PTPRJ: variants seen among roughly 807,000 people sequenced by gnomAD.
PTPRJ encodes the protein receptor-type tyrosine-protein phosphatase eta.
PTPRJ carries 129 observed loss-of-function variants against 141.3 expected under a neutral mutation model. The observed-to-expected ratio is 0.91, with a 90% CI of 0.79 to 1.06. The LOEUF is 1.06. PTPRJ is among the 50% of genes least tolerant of loss of function. The pLI, the probability that PTPRJ is intolerant of heterozygous loss-of-function variation, is 0.00. For missense variants in PTPRJ, 1,601 were observed against 1,679.7 expected (o/e 0.95, Z 0.82); for synonymous variants, 610 against 640.5 (o/e 0.95, Z 0.72).
intron 3 of PTPRJ, among the ~76,000 whole-genome samples, chr11:48,115,557 GT>G (rs1856544014): frequency 6.6e-6 from 1 of 152,168 alleles, no homozygotes; most frequent in East Asian, 1.9e-4. Flanking sequence ...GCTAAAGAGA[GT>G]TTTTAAGCTG....
intron 1 of PTPRJ, among the ~76,000 whole-genome samples, chr11:48,000,074 G>C (rs1479643352): frequency 6.6e-6 from 1 of 151,370 alleles, no homozygotes; most frequent in East Asian, 1.9e-4. Context: ...GGCCAGGCTG[G>C]TCTTGCCCTC....
intron 19 of PTPRJ, among the ~76,000 whole-genome samples, chr11:48,154,480 T>C (rs1212003287): frequency 6.6e-6 from 1 of 152,220 alleles, no homozygotes; most frequent in Non-Finnish European, 1.5e-5. Context: ...ATTTATTACA[T>C]CAAACCATTA....
At chr11:48,027,878 G>GT (rs1366139002) in intron 1 of PTPRJ, among the ~76,000 whole-genome samples, 2 of 143,954 alleles carry the variant, frequency 1.4e-5, no homozygotes, top group African/African-American at 5.1e-5. Flanking sequence ...TGTCAGGTTT[G>GT]TTTCTTTTTC....
At chr11:48,162,586 T>C (rs1357957732) in intron 22 of PTPRJ, among the ~76,000 whole-genome samples, 1 of 152,238 alleles carries the variant, frequency 6.6e-6, no homozygotes, top group East Asian at 1.9e-4. Flanking sequence ...CACATTCTTA[T>C]CATGAATATA....
At chr11:48,107,392 G>T (rs1856321600) in intron 1 of PTPRJ, among the ~76,000 whole-genome samples, 1 of 152,184 alleles carries the variant, frequency 6.6e-6, no homozygotes, top group Admixed American at 6.5e-5. Flanking sequence ...CCTCAGGAAA[G>T]GGGACAGAGA....
intron 15 of PTPRJ, among the ~76,000 whole-genome samples, chr11:48,148,557 C>G (rs986902244): frequency 6.6e-6 from 1 of 152,144 alleles, no homozygotes; most frequent in Non-Finnish European, 1.5e-5. Context: ...CCTGTCTCAG[C>G]CTCCCAAGTA....
intron 1 of PTPRJ, among the ~76,000 whole-genome samples, 181 bp downstream of exon 1, chr11:47,981,189 C>G (rs1853895890): frequency 6.6e-6 from 1 of 152,098 alleles, no homozygotes; most frequent in African/African-American, 2.4e-5. Flanking sequence ...GCGATCGATC[C>G]CTTTTCCGGC....
chr11:48,013,527 T>C (rs1779649224), intron 1 of PTPRJ, among the ~76,000 whole-genome samples: 1 of 152,162 alleles, frequency 6.6e-6, no homozygotes, highest in African/African-American at 2.4e-5. Context: ...AGGGAAGCTC[T>C]GTGGTATGCT....
rs763903384 is a variant in PTPRJ, at chr11:48,167,258, G to T, written c.3910G>T (p.Asp1304Tyr). 1.9e-6 allele frequency: 3 copies of T among 1,612,674 alleles called. 1 individual carries two copies. Among genetic ancestry groups the T allele is most frequent in the Middle Eastern group, 3.3e-4 (2 of 6,060 alleles). The stretch of plus-strand genomic sequence containing the variant: ...TTTGGATATTGTCAGATCCCAGAAA[G>T]ACTCAAAAGTAGATCTTATCTACCA... ...CVLDIVRSQK[D>Y]SKVDLIYQNT... Residue 1304 changes from aspartate to tyrosine, a missense_variant, in exon 25 of 25, where the codon GAC (aspartate) becomes TAC (tyrosine). Coordinates refer to ENST00000418331, the MANE Select transcript of PTPRJ (RefSeq NM_002843.4).
At chr11:48,105,808 T>C (rs1856274439) in intron 1 of PTPRJ, among the ~76,000 whole-genome samples, 1 of 152,020 alleles carries the variant, frequency 6.6e-6, no homozygotes, top group Non-Finnish European at 1.5e-5. Flanking sequence ...GGCTGACCTT[T>C]ATGTTCTACA....
chr11:48,103,912 A>C (rs957834329), intron 1 of PTPRJ, among the ~76,000 whole-genome samples: 8 of 152,224 alleles, frequency 5.3e-5, no homozygotes, highest in Non-Finnish European at 8.8e-5. Context: ...CAGCTCCCTA[A>C]GGCGGAAGAT....
intron 3 of PTPRJ, 112 bp from the exon 4 acceptor site, chr11:48,120,891 T>G (rs1239337603): frequency 5.9e-6 from 6 of 1,014,344 alleles, no homozygotes; most frequent in Admixed American, 2.9e-5. Context: ...CAAAGAGAGA[T>G]AAAACTCTGT....
chr11:48,137,336 C>T (rs1857129282), intron 10 of PTPRJ, 55 bp downstream of exon 10: 2 of 1,545,908 alleles, frequency 1.3e-6, no homozygotes, highest in South Asian at 2.4e-5. Flanking sequence ...GCTGACCTTG[C>T]AGGTCAGTCC....
At chr11:48,144,942 A>G in intron 13 of PTPRJ, 57 bp downstream of exon 13, 6 of 1,614,044 alleles carry the variant, frequency 3.7e-6, no homozygotes, top group Non-Finnish European at 5.1e-6. Flanking sequence ...ATAAAGCTCT[A>G]CATGCCTGCG....
At chr11:48,046,368 A>T (rs573044729) in intron 1 of PTPRJ, 1 of 152,322 alleles carries the variant, frequency 6.6e-6, no homozygotes, top group East Asian at 1.9e-4. Context: ...TAGTTCATTT[A>T]ATCTTCACAG....
In PTPRJ at chr11:48,019,721, A is replaced by G. The variant is rs1855058699; in HGVS notation, c.96+38713A>G. On this transcript the variant is annotated intron_variant, in intron 1 of 24. Coordinates refer to ENST00000418331, the MANE Select transcript of PTPRJ (RefSeq NM_002843.4). ...TTTGCTTTTTAAAAACTGGCATCCA[A>G]GCGTACCCTATCGCACTGCACACAG... Among the ~76,000 whole-genome samples the G allele has an allele frequency of 2.0e-5, 3 of 152,294 alleles. No homozygotes were observed. In the East Asian group the frequency reaches 5.8e-4, roughly 29 times the overall value.
At position 48,021,769 on chromosome 11, in the gene PTPRJ, GGTTTTGTTTT is replaced by G. The variant is rs542417904; in HGVS notation, c.96+40777_96+40786del. On this transcript the variant is annotated intron_variant, in intron 1 of 24. Coordinates refer to ENST00000418331, the MANE Select transcript of PTPRJ (RefSeq NM_002843.4). Reference sequence around the variant, plus strand: ...GTCATCTCCAGTGCAATTGTCTGTGGGTTTTGTTTTGTTTTGTTTTGTTTTTTCATTTTTA... The same window carrying G: ...GTCATCTCCAGTGCAATTGTCTGTGGGTTTTGTTTTGTTTTTTCATTTTTA... Among the ~76,000 whole-genome samples the G allele has an allele frequency of 2.1e-4, 32 of 152,174 alleles. No homozygotes were observed. In the East Asian group the frequency reaches 4.6e-3, roughly 22 times the overall value.
intron 22 of PTPRJ, among the ~76,000 whole-genome samples, chr11:48,161,820 T>C (rs1857787074): frequency 6.6e-6 from 1 of 152,114 alleles, no homozygotes; most frequent in Admixed American, 6.6e-5. Flanking sequence ...GTCACCATAT[T>C]GGCCAGGCTG....
rs188786388 is a variant in PTPRJ at position 47,990,742 on chromosome 11, G to T, written c.96+9734G>T. 9.5e-5 allele frequency among the ~76,000 whole-genome samples: 14 copies of T among 146,948 alleles called. No homozygotes were observed. In the East Asian group the frequency reaches 2.6e-3, roughly 27 times the overall value. On this transcript the variant is annotated intron_variant, in intron 1 of 24. Transcript: ENST00000418331. ...ACCCAGTCACCCAGGCTGGAGTTCA[G>T]TGGCGCAATCTTGGCTCACTGCAAG... is the stretch of plus-strand genomic sequence containing the variant.
Sources: allele counts gnomAD v4.1 joint callset (sites outside exome capture counted in the v4.1 genomes callset), GRCh38; gene constraint gnomAD v4.1.1; transcripts MANE v1.5; gene names NCBI Gene and HGNC (gene_info 2026-07-23, HGNC 2026-07-21).